The following FRYL variants were observed in gnomAD, a reference collection of about 807,000 sequenced individuals.
FRYL encodes protein furry homolog-like.
A neutral mutation model predicts 351.2 loss-of-function variants in FRYL; 150 were observed. The observed-to-expected ratio is 0.43, with a 90% CI of 0.37 to 0.49. The LOEUF (loss-of-function observed/expected upper bound fraction) is 0.49. Ranked by LOEUF, FRYL falls within the 20% of genes least tolerant of loss-of-function variation. The pLI, the probability that FRYL is intolerant of heterozygous loss-of-function variation, is 0.00. For missense variants in FRYL, 3,036 were observed against 3,619.3 expected, an observed-to-expected ratio of 0.84 and a Z score of 4.13; for synonymous variants, 1,153 against 1,257.1, an observed-to-expected ratio of 0.92 and a Z score of 1.75.
chr4:48,769,093 C>T (rs1346911960), intron 1 of FRYL, among the ~76,000 whole-genome samples: 2 of 152,110 alleles, frequency 1.3e-5, no homozygotes, highest in Non-Finnish European at 2.9e-5. Flanking sequence ...ATGATTGCAC[C>T]ACTGCACTCC....
chr4:48,705,585 T>C (rs1301222819), intron 2 of FRYL, among the ~76,000 whole-genome samples: 1 of 146,490 alleles, frequency 6.8e-6, no homozygotes, highest in Admixed American at 6.8e-5. Flanking sequence ...GTTTCTAGAA[T>C]ATGAGTACTT....
chr4:48,693,468 A>G (rs1245595527), intron 2 of FRYL, among the ~76,000 whole-genome samples: 1 of 152,146 alleles, frequency 6.6e-6, no homozygotes, highest in Admixed American at 6.5e-5. Context: ...GCACCTGAGC[A>G]TTTATTCTAC....
chr4:48,530,816 T>C (rs1490888873), intron 50 of FRYL, among the ~76,000 whole-genome samples: 1 of 152,240 alleles, frequency 6.6e-6, no homozygotes, highest in Non-Finnish European at 1.5e-5. Flanking sequence ...GGTTCCTTTC[T>C]GAAACCACTC....
Position 48,579,012 on chromosome 4 carries a change from T to C in FRYL, c.2489A>G (p.Tyr830Cys), listed in dbSNP as rs1318343108. ...TAVSYAWMFA[Y>C]TRLQLLSPQV... ...AGGGGACAACAACTGAAGTCTTGTGTATGCAAACATCCAAGCATAGCTCAC... is the reference window on the plus strand; with the variant it reads ...AGGGGACAACAACTGAAGTCTTGTGCATGCAAACATCCAAGCATAGCTCAC... Residue 830 changes from tyrosine (Y) to cysteine (C), a missense_variant, in exon 23 of 64, where the codon TAC (tyrosine) becomes TGC (cysteine). Physicochemically the swap from Tyr to Cys is radical, Grantham distance 194. Transcript: ENST00000358350. 7 of 1,613,456 alleles carry C rather than the reference T, an allele frequency of 4.3e-6. No individual in the cohort carries two copies. Among genetic ancestry groups the C allele is most frequent in the Non-Finnish European group, 5.1e-6 (6 of 1,179,742 alleles).
At chr4:48,752,866 A>G (rs1309275836) in intron 1 of FRYL, among the ~76,000 whole-genome samples, 1 of 152,190 alleles carries the variant, frequency 6.6e-6, no homozygotes, top group Admixed American at 6.5e-5. Flanking sequence ...CTTTTAGCAC[A>G]ATGTGAGAAA....
At chr4:48,653,947 G>T in intron 3 of FRYL, 1 of 1,197,578 alleles carries the variant, frequency 8.4e-7, no homozygotes, top group South Asian at 1.5e-5. Flanking sequence ...TCATTACCAT[G>T]CAGTCTTGCA....
At chr4:48,574,807 A>ATGGC in intron 25 of FRYL, among the ~76,000 whole-genome samples, 4 of 152,218 alleles carry the variant, frequency 2.6e-5, no homozygotes, top group African/African-American at 9.6e-5. Context: ...TAAAAGAATG[A>ATGGC]CTACATAAAT....
chr4:48,695,134 T>C lies in FRYL; in HGVS notation c.-203-10339A>G, dbSNP rs115491152. Reference sequence around the variant, plus strand: ...CTTACTGAGCAAAGGAGAAAATGCGTAAGAATCAGTGAACTACTGTTTAAA... The same window carrying C: ...CTTACTGAGCAAAGGAGAAAATGCGCAAGAATCAGTGAACTACTGTTTAAA... On this transcript the variant is annotated intron_variant, in intron 2 of 63. Transcript: ENST00000358350. Among the ~76,000 whole-genome samples, 705 of 152,280 alleles carry C rather than the reference T, an allele frequency of 4.6e-3. 4 individuals are homozygous for C. The highest frequency in any genetic ancestry group is 0.016 in the African/African-American group (666 of 41,572).
At chr4:48,565,075 C>A in intron 29 of FRYL, 32 bp from the exon 30 acceptor site, 1 of 1,280,690 alleles carries the variant, frequency 7.8e-7, no homozygotes, top group Non-Finnish European at 1.1e-6. Context: ...TTACATTTAA[C>A]AAATTTAAGA....
intron 1 of FRYL, among the ~76,000 whole-genome samples, chr4:48,749,354 C>T (rs1773016618): frequency 1.3e-5 from 2 of 152,174 alleles, no homozygotes; most frequent in Non-Finnish European, 1.5e-5. Context: ...GCTCTGTTCC[C>T]GTGGAAACCA....
chr4:48,635,864 T>G (rs923170846), intron 3 of FRYL, among the ~76,000 whole-genome samples: 6 of 152,156 alleles, frequency 3.9e-5, no homozygotes, highest in African/African-American at 1.4e-4. Context: ...ACTTAAACAC[T>G]GATTTCCTGT....
chr4:48,502,903 T>G, intron 60 of FRYL, 58 bp from the exon 61 acceptor site: 1 of 1,417,288 alleles, frequency 7.1e-7, no homozygotes. Flanking sequence ...GACCAAGAAT[T>G]AGTGTAAGAA....
intron 33 of FRYL, among the ~76,000 whole-genome samples, chr4:48,558,848 C>G (rs934340035): frequency 6.6e-6 from 1 of 152,158 alleles, no homozygotes; most frequent in Non-Finnish European, 1.5e-5. Context: ...ATTCCAAAGC[C>G]CGTGAGCCTT....
intron 7 of FRYL, 57 bp from the exon 8 acceptor site, chr4:48,609,880 T>G: frequency 2.5e-6 from 2 of 808,692 alleles, no homozygotes; most frequent in Non-Finnish European, 2.0e-6. Context: ...TTATGAGTAT[T>G]CTCATCAATT....
In FRYL at chr4:48,546,284, G is replaced by A. The variant is rs1345802156; in HGVS notation, c.5075-13C>T. 2 of 1,591,110 alleles carry A rather than the reference G, an allele frequency of 1.3e-6. No individual in the cohort carries two copies. Among genetic ancestry groups the A allele is most frequent in the South Asian group, 2.2e-5 (2 of 90,408 alleles). ...TCGTTAATGCCTGCTGAAAGAGAAA[G>A]ATCGTCATGAATACCTAAAACATGA... On this transcript the variant is annotated splice_polypyrimidine_tract_variant and intron_variant, in intron 41 of 63. Transcript: ENST00000358350.
chr4:48,552,766 T>C (rs1396429574), intron 36 of FRYL, among the ~76,000 whole-genome samples: 2 of 152,110 alleles, frequency 1.3e-5, no homozygotes, highest in Non-Finnish European at 1.5e-5. Flanking sequence ...AAATAAATTA[T>C]AAAGAGATAA....
At chr4:48,704,453 A>G (rs1042783172) in intron 2 of FRYL, among the ~76,000 whole-genome samples, 1 of 152,218 alleles carries the variant, frequency 6.6e-6, no homozygotes, top group Non-Finnish European at 1.5e-5. Context: ...TGATGGGAAC[A>G]CAAAGAGGTA....
chr4:48,673,934 T>C (rs1487024224), intron 3 of FRYL, among the ~76,000 whole-genome samples: 2 of 152,234 alleles, frequency 1.3e-5, no homozygotes, highest in African/African-American at 4.8e-5. Flanking sequence ...CTTCAGTTAT[T>C]GGTAAAACAG....
intron 3 of FRYL, among the ~76,000 whole-genome samples, chr4:48,655,781 T>A (rs2149448156): frequency 6.9e-6 from 1 of 145,472 alleles, no homozygotes; most frequent in East Asian, 2.0e-4. Flanking sequence ...ATACATTCTG[T>A]ATTATATAAT....
Sources: gnomAD v4.1 joint callset for allele counts (sites outside exome capture counted in the v4.1 genomes callset) on GRCh38, gnomAD v4.1.1 for gene constraint, MANE v1.5 for transcripts, NCBI Gene and HGNC (gene_info 2026-07-23, HGNC 2026-07-21) for gene names.